Variants in POLR1A observed in about 807,000 individuals in gnomAD.
POLR1A encodes DNA-directed RNA polymerase I subunit RPA1.
In POLR1A, 84 loss-of-function variants were observed where a neutral mutation model predicts 205.3. The observed-to-expected ratio is 0.41, with a 90% CI of 0.34 to 0.49. The LOEUF (loss-of-function observed/expected upper bound fraction) is 0.49. POLR1A is among the 20% of genes least tolerant of loss of function. The pLI, the probability that POLR1A is intolerant of heterozygous loss-of-function variation, is 0.22. For missense variants in POLR1A, 1,645 were observed against 2,204.5 expected (o/e 0.75, Z 5.08); for synonymous variants, 799 against 863.7 (o/e 0.93, Z 1.31).
chr2:86,076,506 A>G (rs928083349), intron 11 of POLR1A, among the ~76,000 whole-genome samples: 1 of 152,198 alleles, frequency 6.6e-6, no homozygotes, highest in African/African-American at 2.4e-5. Context: ...GCACCTGTCA[A>G]CAGTGCTCTA....
intron 24 of POLR1A, among the ~76,000 whole-genome samples, chr2:86,041,379 A>C (rs1255880492): frequency 7.1e-6 from 1 of 141,504 alleles, no homozygotes; most frequent in Non-Finnish European, 1.5e-5. Flanking sequence ...GCGCGCGCTG[A>C]GCTACAGTGT....
In POLR1A at chr2:86,089,866, T is replaced by C. The variant is rs2104429028; in HGVS notation, c.496A>G (p.Thr166Ala). The change falls in exon 4 of 34, where the codon ACT becomes GCT. Residue 166 changes from threonine to alanine, a missense_variant. Around this residue, in one of 16 missense-constraint regions of POLR1A, gnomAD observed 330 missense variants for 375.6 expected, o/e 0.88. Transcript: ENST00000263857. ...AGGAGGTTGTTCTGCACAATTTCAG[T>C]TGTGTATTGTTCTAATTCCTCCCGA... ...EIREELEQYT[T>A]EIVQNNLLGS... is the part of the protein sequence containing the mutation. The C allele has an allele frequency of 6.2e-7, 1 of 1,613,018 alleles. No homozygotes were observed. Among genetic ancestry groups the C allele is most frequent in the East Asian group, 2.2e-5 (1 of 44,882 alleles).
At chr2:86,047,703 C>T (rs1021456702) in intron 18 of POLR1A, among the ~76,000 whole-genome samples, 3 of 152,312 alleles carry the variant, frequency 2.0e-5, no homozygotes, top group Admixed American at 1.3e-4. Flanking sequence ...GTCACATTTA[C>T]GAACATGCCA....
At chr2:86,046,192 G>A (rs1266482213) in intron 19 of POLR1A, among the ~76,000 whole-genome samples, 1 of 152,114 alleles carries the variant, frequency 6.6e-6, no homozygotes, top group Non-Finnish European at 1.5e-5. Flanking sequence ...CACTTTGCGG[G>A]GCTGAGGCAG....
At chr2:86,097,600 A>G (rs1244807860) in intron 3 of POLR1A, among the ~76,000 whole-genome samples, 1 of 152,214 alleles carries the variant, frequency 6.6e-6, no homozygotes, top group Non-Finnish European at 1.5e-5. Context: ...AACAACATAG[A>G]TGGAACTGGA....
intron 6 of POLR1A, among the ~76,000 whole-genome samples, chr2:86,085,113 CA>C (rs1378855808): frequency 6.6e-6 from 1 of 152,160 alleles, no homozygotes; most frequent in Non-Finnish European, 1.5e-5. Flanking sequence ...AGGCATCCAC[CA>C]CCACGCCCAG....
chr2:86,069,996 A>G, intron 13 of POLR1A, 22 bp downstream of exon 13: 1 of 1,605,462 alleles, frequency 6.2e-7, no homozygotes, highest in Non-Finnish European at 8.5e-7. Flanking sequence ...TGACCACGGA[A>G]CAGCCTCAAG....
intron 6 of POLR1A, among the ~76,000 whole-genome samples, chr2:86,088,021 CTA>C (rs1031906457): frequency 6.6e-6 from 1 of 152,094 alleles, no homozygotes; most frequent in African/African-American, 2.4e-5. Context: ...AAGCCTATGA[CTA>C]TAAAAATTAA....
chr2:86,066,457 G>A (rs186363714), intron 13 of POLR1A, among the ~76,000 whole-genome samples: 10 of 152,242 alleles, frequency 6.6e-5, no homozygotes, highest in Admixed American at 3.9e-4. Flanking sequence ...CTGTGTTCAC[G>A]GCAACATAAC....
rs898893990 is a variant in POLR1A, at chr2:86,022,684, G to C, written c.*4739C>G. 3 of 152,118 alleles carry C rather than the reference G, an allele frequency of 2.0e-5. No individual in the cohort carries two copies. Among genetic ancestry groups the C allele is most frequent in the Non-Finnish European group, 4.4e-5 (3 of 68,036 alleles). The allele number at this position is 152,118 out of a possible 1,614,324, so 9.4% of individuals were successfully genotyped here. A position where few individuals can be genotyped will look rare whatever the true frequency, so the allele number is the denominator to read the frequency against. On this transcript the variant is annotated 3_prime_UTR_variant, in exon 34 of 34. Coordinates refer to ENST00000263857, the MANE Select transcript of POLR1A (RefSeq NM_015425.6). ...GCTCATTGCAGCCTTGAACTCCTGG[G>C]CTCACTTGCTCCTCTCACCTCAGCC...
chr2:86,087,699 C>G (rs1264504138), intron 6 of POLR1A, among the ~76,000 whole-genome samples: 1 of 151,940 alleles, frequency 6.6e-6, no homozygotes, highest in South Asian at 2.1e-4. Flanking sequence ...CCCGCCACCA[C>G]GCCTGGCTAA....
At chr2:86,078,330 A>G in intron 9 of POLR1A, 46 bp from the exon 10 acceptor site, 1 of 1,475,562 alleles carries the variant, frequency 6.8e-7, no homozygotes, top group Non-Finnish European at 9.2e-7. Flanking sequence ...AAAAAGCTCC[A>G]AAAGGCCTGG....
chr2:86,078,771 G>A (rs150333717), intron 9 of POLR1A, among the ~76,000 whole-genome samples: 7 of 152,312 alleles, frequency 4.6e-5, no homozygotes, highest in East Asian at 1.9e-4. Context: ...TTTGCCATAC[G>A]ATATTCTATG....
intron 14 of POLR1A, among the ~76,000 whole-genome samples, chr2:86,059,719 C>T (rs570921428): frequency 2.0e-5 from 3 of 152,264 alleles, no homozygotes; most frequent in South Asian, 2.1e-4. Flanking sequence ...ATGTACACTA[C>T]CACCCCTGGC....
At chr2:86,091,859 A>G (rs1362062884) in intron 3 of POLR1A, among the ~76,000 whole-genome samples, 1 of 152,162 alleles carries the variant, frequency 6.6e-6, no homozygotes, top group African/African-American at 2.4e-5. Flanking sequence ...CACACCTGTA[A>G]TCCCAGCACT....
Position 86,065,151 on chromosome 2 carries a change from G to C in POLR1A, c.2058+123C>G, listed in dbSNP as rs983862803. 5.5e-6 allele frequency: 5 copies of C among 914,136 alleles called. No homozygotes were observed. The African/African-American group carries it at 8.3e-5, about 15-fold the overall frequency. The allele number at this position is 914,136 out of a possible 1,614,324, so 56.6% of individuals were successfully genotyped here. ...GAACCCCAAACAAAGGGGAAAGAAA[G>C]TCAGACTATTGCTGGCTTAGCCATT... On this transcript the variant is annotated intron_variant, in intron 14 of 33. Transcript: ENST00000263857.
chr2:86,075,231 C>G lies in POLR1A; in HGVS notation c.1410G>C (p.Gln470His), dbSNP rs199559378. 8 of 1,610,206 alleles carry G rather than the reference C, an allele frequency of 5.0e-6. No homozygotes were observed. The African/African-American group carries it at 6.7e-5, about 13-fold the overall frequency. ...CCTGAACATTCCATGGGGTAACTGG[C>G]TGTGGGTAGGTCAGTTTTGTGGCAA... is the stretch of plus-strand genomic sequence containing the variant. ...MVFATKLTYP[Q>H]PVTPWNVQEL... Residue 470 changes from glutamine (Q) to histidine (H), a missense_variant, in exon 12 of 34, where the codon CAG (glutamine) becomes CAC (histidine). Gln to His is a conservative substitution (Grantham distance 24). Around this residue, in one of 16 missense-constraint regions of POLR1A, gnomAD observed 131 missense variants for 214.5 expected, o/e 0.61. Coordinates refer to ENST00000263857, the MANE Select transcript of POLR1A (RefSeq NM_015425.6).
chr2:86,037,270 G>C (rs1052375843), intron 27 of POLR1A, among the ~76,000 whole-genome samples: 3 of 152,230 alleles, frequency 2.0e-5, no homozygotes, highest in Admixed American at 2.0e-4. Context: ...ACCAACGCAG[G>C]TGCTCCTGAG....
At chr2:86,073,737 C>T (rs1182491933) in intron 12 of POLR1A, among the ~76,000 whole-genome samples, 1 of 152,224 alleles carries the variant, frequency 6.6e-6, no homozygotes, top group Non-Finnish European at 1.5e-5. Flanking sequence ...TGGCGAGGAT[C>T]CGTCTGCAGG....
Sources: gnomAD v4.1 joint callset for allele counts (sites outside exome capture counted in the v4.1 genomes callset) on GRCh38, gnomAD v4.1.1 for gene constraint, gnomAD v4.1.1 regional missense constraint, MANE v1.5 for transcripts, NCBI Gene and HGNC (gene_info 2026-07-23, HGNC 2026-07-21) for gene names.